Variants in ITGBL1 observed in about 807,000 individuals in gnomAD.
ITGBL1 encodes the protein integrin subunit beta like 1.
A neutral mutation model predicts 68.5 loss-of-function variants in ITGBL1; 51 were observed. That is an observed-to-expected ratio of 0.74 (90% CI 0.59 to 0.94). The LOEUF is 0.94. ITGBL1 is among the 40% of genes least tolerant of loss of function. ITGBL1 has a pLI of 0.00. For missense variants in ITGBL1, 649 were observed against 647.4 expected, an observed-to-expected ratio of 1.00 and a Z score of -0.03; for synonymous variants, 209 against 227.3, an observed-to-expected ratio of 0.92 and a Z score of 0.72.
At chr13:101,521,327 C>G (rs1157111860) in intron 2 of ITGBL1, among the ~76,000 whole-genome samples, 1 of 152,038 alleles carries the variant, frequency 6.6e-6, no homozygotes, top group Non-Finnish European at 1.5e-5. Flanking sequence ...ATATGGGAAA[C>G]AGACAATAAG....
intron 2 of ITGBL1, among the ~76,000 whole-genome samples, chr13:101,469,921 C>T (rs2048434305): frequency 6.6e-6 from 1 of 152,204 alleles, no homozygotes; most frequent in Middle Eastern, 3.2e-3. Flanking sequence ...TTTGATCTTT[C>T]TCCGCTATTG....
At chr13:101,506,338 A>G (rs200946993) in intron 2 of ITGBL1, among the ~76,000 whole-genome samples, 3 of 122,780 alleles carry the variant, frequency 2.4e-5, no homozygotes, top group Non-Finnish European at 4.8e-5. Flanking sequence ...CAAAACTAAC[A>G]TGTGTCAAAG....
At chr13:101,465,185 C>T (rs9585706) in intron 2 of ITGBL1, among the ~76,000 whole-genome samples, 14,116 of 152,104 alleles carry the variant, frequency 0.093, 1,974 homozygotes, top group African/African-American at 0.3. Context: ...GAGAAAACAG[C>T]TTCTTTTCTT....
At chr13:101,602,118 CA>C (rs1457778709) in intron 7 of ITGBL1, among the ~76,000 whole-genome samples, 1 of 152,008 alleles carries the variant, frequency 6.6e-6, no homozygotes, top group African/African-American at 2.4e-5. Flanking sequence ...TTCAATGTTA[CA>C]TTAAAAAACA....
intron 7 of ITGBL1, among the ~76,000 whole-genome samples, chr13:101,683,988 C>T (rs1031718928): frequency 1.3e-5 from 2 of 151,958 alleles, no homozygotes; most frequent in African/African-American, 4.8e-5. Context: ...ATGTGTGTCA[C>T]TGATATCATC....
intron 8 of ITGBL1, among the ~76,000 whole-genome samples, chr13:101,697,545 C>T (rs1163776960): frequency 6.6e-6 from 1 of 152,080 alleles, no homozygotes; most frequent in East Asian, 1.9e-4. Flanking sequence ...GAGGCAGTGC[C>T]ATATAGCAAG....
At chr13:101,580,874 C>T (rs1240912032) in intron 5 of ITGBL1, among the ~76,000 whole-genome samples, 1 of 152,210 alleles carries the variant, frequency 6.6e-6, no homozygotes, top group Non-Finnish European at 1.5e-5. Flanking sequence ...CTGCATCCCA[C>T]TTCGCTGTGC....
intron 9 of ITGBL1, among the ~76,000 whole-genome samples, chr13:101,709,570 T>A (rs2034368534): frequency 6.6e-6 from 1 of 152,126 alleles, no homozygotes; most frequent in Non-Finnish European, 1.5e-5. Flanking sequence ...ATAGAGCACT[T>A]AAGTTTAGAT....
At chr13:101,601,796 A>C (rs9513925) in intron 7 of ITGBL1, among the ~76,000 whole-genome samples, 29,158 of 152,088 alleles carry the variant, frequency 0.19, 3,081 homozygotes, top group Admixed American at 0.25. Context: ...CTGTGGTCTG[A>C]GAGACAGTTT....
intron 2 of ITGBL1, among the ~76,000 whole-genome samples, chr13:101,505,029 G>C (rs1002565778): frequency 3.3e-5 from 5 of 152,134 alleles, no homozygotes; most frequent in Non-Finnish European, 2.9e-5. Context: ...GAGGCGTTTT[G>C]GGTGTTCGTG....
At chr13:101,519,172 G>A (rs1282341570) in intron 2 of ITGBL1, among the ~76,000 whole-genome samples, 3 of 151,982 alleles carry the variant, frequency 2.0e-5, no homozygotes, top group African/African-American at 2.4e-5. Flanking sequence ...CCTTTTTGGG[G>A]GTGATGTGAG....
intron 7 of ITGBL1, among the ~76,000 whole-genome samples, chr13:101,688,944 A>G: frequency 6.6e-6 from 1 of 152,038 alleles, no homozygotes; most frequent in Non-Finnish European, 1.5e-5. Context: ...CACACCTGTG[A>G]TCCCAGCACT....
At chr13:101,662,684 G>A (rs1030701142) in intron 7 of ITGBL1, among the ~76,000 whole-genome samples, 2 of 151,454 alleles carry the variant, frequency 1.3e-5, no homozygotes, top group East Asian at 1.9e-4. Context: ...CTCTTATCTG[G>A]TAGAATGTGA....
intron 7 of ITGBL1, among the ~76,000 whole-genome samples, chr13:101,633,737 A>G (rs2032069602): frequency 2.6e-5 from 4 of 152,194 alleles, no homozygotes; most frequent in Admixed American, 2.6e-4. Context: ...TAATTGTTGT[A>G]TCTCAGTGAG....
At chr13:101,590,418 C>T (rs1014770220) in intron 6 of ITGBL1, among the ~76,000 whole-genome samples, 2 of 152,062 alleles carry the variant, frequency 1.3e-5, no homozygotes, top group African/African-American at 2.4e-5. Context: ...GGAGGGAATC[C>T]TCCTGTGGGG....
intron 6 of ITGBL1, among the ~76,000 whole-genome samples, chr13:101,595,757 T>C (rs919948682): frequency 6.6e-6 from 1 of 152,118 alleles, no homozygotes; most frequent in Admixed American, 6.5e-5. Flanking sequence ...AGGATGTAAA[T>C]TGATACAGCC....
chr13:101,538,681 G>C (rs1283468165), intron 2 of ITGBL1, among the ~76,000 whole-genome samples: 2 of 152,006 alleles, frequency 1.3e-5, no homozygotes, highest in African/African-American at 2.4e-5. Context: ...TAAAAAGAAA[G>C]TGTTTCATTC....
intron 2 of ITGBL1, among the ~76,000 whole-genome samples, chr13:101,510,374 T>C (rs2049096031): frequency 6.6e-6 from 1 of 152,196 alleles, no homozygotes; most frequent in Non-Finnish European, 1.5e-5. Flanking sequence ...TATTCTATGC[T>C]ATATATGTAC....
At chr13:101,485,647 C>T (rs958072333) in intron 2 of ITGBL1, among the ~76,000 whole-genome samples, 1 of 152,090 alleles carries the variant, frequency 6.6e-6, no homozygotes, top group Non-Finnish European at 1.5e-5. Flanking sequence ...AAAAAATTAC[C>T]TGGGCGTGGT....
Sources: gnomAD v4.1 joint callset for allele counts (sites outside exome capture counted in the v4.1 genomes callset) on GRCh38, gnomAD v4.1.1 for gene constraint, MANE v1.5 for transcripts, NCBI Gene and HGNC (gene_info 2026-07-23, HGNC 2026-07-21) for gene names.